Variants in CFAP47 observed in about 807,000 individuals in gnomAD.
CFAP47 encodes cilia and flagella associated protein 47.
In CFAP47, 29 loss-of-function variants were observed where a neutral mutation model predicts 148.1. That is an observed-to-expected ratio of 0.20 (90% CI 0.15 to 0.27). The LOEUF (loss-of-function observed/expected upper bound fraction) is 0.27, where lower values mean the gene tolerates loss of function less well. Among genes scored for constraint, CFAP47 ranks in the 10% least tolerant of loss-of-function variants. The pLI, the probability that CFAP47 is intolerant of heterozygous loss-of-function variation, is 1.00. For missense variants in CFAP47, 1,872 were observed against 1,697.5 expected, an observed-to-expected ratio of 1.10 and a Z score of -1.81; for synonymous variants, 664 against 577.3, an observed-to-expected ratio of 1.15 and a Z score of -2.15.
intron 61 of CFAP47, among the ~76,000 whole-genome samples, chrX:36,362,744 G>A (rs1300636527): frequency 9.0e-6 from 1 of 111,668 alleles, no homozygotes; most frequent in Non-Finnish European, 1.9e-5. Context: ...CCTTGTATTC[G>A]ATGTAGTCAT....
chrX:36,313,596 G>A (rs149103108), intron 56 of CFAP47, among the ~76,000 whole-genome samples: 244 of 110,992 alleles, frequency 2.2e-3, no homozygotes, highest in African/African-American at 7.7e-3. Context: ...TTCATGATAG[G>A]AGTAGGCAAT....
At chrX:36,043,251 T>C (rs1265292520) in intron 25 of CFAP47, among the ~76,000 whole-genome samples, 1 of 111,854 alleles carries the variant, frequency 8.9e-6, no homozygotes, top group Non-Finnish European at 1.9e-5. Context: ...TAAAAACAAA[T>C]AAGTATTAAA....
intron 2 of CFAP47, among the ~76,000 whole-genome samples, chrX:35,927,997 T>TTATATA (rs146298634): frequency 2.2e-4 from 23 of 102,969 alleles, no homozygotes; most frequent in African/African-American, 6.7e-4. Flanking sequence ...GTATTCTATT[T>TTATATA]TATATATATA....
At chrX:36,204,673 G>A (rs1839561583) in intron 44 of CFAP47, among the ~76,000 whole-genome samples, 1 of 111,571 alleles carries the variant, frequency 9.0e-6, no homozygotes, top group African/African-American at 3.3e-5. Flanking sequence ...CTCAAATGCT[G>A]GTCAGCGGTG....
intron 51 of CFAP47, among the ~76,000 whole-genome samples, chrX:36,295,940 A>G (rs1416194359): frequency 8.9e-6 from 1 of 112,036 alleles, no homozygotes; most frequent in Admixed American, 9.5e-5. Context: ...CTATAGTGAA[A>G]CATTTATTTC....
At chrX:36,291,302 T>A (rs782765321) in intron 51 of CFAP47, among the ~76,000 whole-genome samples, 1 of 112,146 alleles carries the variant, frequency 8.9e-6, no homozygotes, top group East Asian at 2.8e-4. Flanking sequence ...AAATTATAAT[T>A]GTTTTGAGAT....
intron 21 of CFAP47, among the ~76,000 whole-genome samples, chrX:36,006,926 C>G (rs1173951140): frequency 8.9e-6 from 1 of 112,090 alleles, no homozygotes; most frequent in Non-Finnish European, 1.9e-5. Flanking sequence ...ACCTACATTT[C>G]TCATTCTGTA....
intron 2 of CFAP47, 119 bp downstream of exon 2, chrX:35,926,287 A>G (rs993366355): frequency 2.6e-5 from 13 of 498,799 alleles, no homozygotes; most frequent in Non-Finnish European, 4.0e-5. Flanking sequence ...CTTAAAGGAC[A>G]CATTTTTAGA....
intron 51 of CFAP47, among the ~76,000 whole-genome samples, chrX:36,298,242 A>C (rs1327081700): frequency 1.9e-5 from 2 of 104,862 alleles, no homozygotes; most frequent in Admixed American, 2.1e-4. Flanking sequence ...AAAAACGATG[A>C]GTTCATGTCC....
chrX:36,045,911 C>T (rs759106708), intron 25 of CFAP47, among the ~76,000 whole-genome samples: 42 of 111,524 alleles, frequency 3.8e-4, no homozygotes, highest in African/African-American at 1.3e-3. Flanking sequence ...TAATGTAATG[C>T]AGTGTCCAAG....
At chrX:36,001,434 C>T (rs902470414) in intron 20 of CFAP47, among the ~76,000 whole-genome samples, 179 bp from the exon 21 acceptor site, 4 of 111,568 alleles carry the variant, frequency 3.6e-5, no homozygotes, top group African/African-American at 1.3e-4. Flanking sequence ...AATGAGTTTA[C>T]TGTCACTGTT....
intron 33 of CFAP47, among the ~76,000 whole-genome samples, chrX:36,110,450 T>C (rs142551572): frequency 7.5e-4 from 83 of 111,034 alleles, no homozygotes; most frequent in African/African-American, 2.5e-3. Context: ...CTGACCTCTA[T>C]TCTGTTCCAT....
intron 13 of CFAP47, among the ~76,000 whole-genome samples, chrX:35,974,347 G>A (rs1936537841): frequency 1.8e-5 from 2 of 111,617 alleles, no homozygotes; most frequent in South Asian, 7.5e-4. Context: ...AGTGATTGAA[G>A]GACAGTTATG....
Position 35,993,819 on chromosome X carries a change from AG to A in CFAP47, c.3099+500del, listed in dbSNP as rs1484909994. Among the ~76,000 whole-genome samples, 3 of 111,770 alleles carry A rather than the reference AG, an allele frequency of 2.7e-5. No homozygotes were observed. In the Admixed American group the frequency reaches 2.9e-4, roughly 11 times the overall value. ...TTTCAAAGCATTAGTTAGGTAGATT[AG>A]GAAAAAAATAATCAATTTTGCAATG... On this transcript the variant is annotated intron_variant, in intron 18 of 63. Transcript: ENST00000378653.
At chrX:36,335,436 A>G (rs1569320251) in intron 57 of CFAP47, among the ~76,000 whole-genome samples, 1 of 111,726 alleles carries the variant, frequency 9.0e-6, no homozygotes, top group East Asian at 2.8e-4. Context: ...AAATATATCG[A>G]CTTTCTAATC....
Position 35,993,191 on chromosome X carries a change from T to C in CFAP47, c.2969T>C (p.Val990Ala), listed in dbSNP as rs1394482896. 1.7e-5 allele frequency: 5 copies of C among 293,707 alleles called. No homozygotes were observed. The highest frequency in any genetic ancestry group is 3.0e-5 in the Non-Finnish European group (5 of 168,496). The allele number at this position is 293,707 out of a possible 1,213,427, so 24.2% of individuals were successfully genotyped here. ...ATTTCTGCAAATTTTCAATTACAGG[T>C]TTGTAGTCAGAGTCTTTTGCCTATC... ...NVGQNHAYFK[V>A]CSQSLLPIIN... is the part of the protein sequence containing the mutation. Residue 990 changes from valine (V) to alanine (A), a missense_variant and splice_region_variant, in exon 18 of 64, where the codon GTT becomes GCT. Physicochemically the swap from Val to Ala is moderately conservative, Grantham distance 64. Coordinates refer to ENST00000378653, the MANE Select transcript of CFAP47 (RefSeq NM_001304548.2).
At chrX:36,173,836 C>T (rs1233196570) in intron 39 of CFAP47, among the ~76,000 whole-genome samples, 3 of 111,504 alleles carry the variant, frequency 2.7e-5, no homozygotes, top group Admixed American at 9.5e-5. Flanking sequence ...CAGAGCTGAG[C>T]TCAATTCCTA....
intron 49 of CFAP47, among the ~76,000 whole-genome samples, chrX:36,268,745 A>G (rs1467541679): frequency 8.9e-6 from 1 of 112,287 alleles, no homozygotes; most frequent in Admixed American, 9.5e-5. Flanking sequence ...TTACAGTCAA[A>G]TGAAAATGTG....
intron 6 of CFAP47, among the ~76,000 whole-genome samples, chrX:35,952,308 G>A (rs781288290): frequency 9.0e-6 from 1 of 111,618 alleles, no homozygotes; most frequent in Admixed American, 9.5e-5. Context: ...GCAGCATGTC[G>A]TAGGTCCCTC....
Sources: allele counts gnomAD v4.1 joint callset (sites outside exome capture counted in the v4.1 genomes callset), GRCh38; gene constraint gnomAD v4.1.1; transcripts MANE v1.5; gene names NCBI Gene and HGNC (gene_info 2026-07-23, HGNC 2026-07-21).